The following CACNA1D variants were observed in gnomAD, a reference collection of about 807,000 sequenced individuals.
The protein encoded by CACNA1D is voltage-dependent L-type calcium channel subunit alpha-1D.
CACNA1D carries 55 observed loss-of-function variants against 257.1 expected under a neutral mutation model. The ratio of observed to expected loss-of-function variants is 0.21; its 90% CI spans 0.17 to 0.27. The LOEUF (loss-of-function observed/expected upper bound fraction) is 0.27, where lower values mean the gene tolerates loss of function less well. CACNA1D is among the 10% of genes least tolerant of loss of function. CACNA1D has a pLI of 1.00. For synonymous variants in CACNA1D, 980 were observed against 1,014.9 expected (o/e 0.97, Z 0.65); for missense variants, 1,876 against 2,784.0 (o/e 0.67, Z 7.34).
chr3:53,656,933 TGG>T (rs1388974430), intron 4 of CACNA1D, among the ~76,000 whole-genome samples: 2 of 152,180 alleles, frequency 1.3e-5, no homozygotes, highest in African/African-American at 2.4e-5. Context: ...ATGGAACAAC[TGG>T]AACTCTCATA....
intron 9 of CACNA1D, among the ~76,000 whole-genome samples, chr3:53,713,265 C>T (rs2108651058): frequency 6.6e-6 from 1 of 152,344 alleles, no homozygotes; most frequent in Admixed American, 6.5e-5. Context: ...AGAGATGATA[C>T]TGTCCTACAA....
chr3:53,507,382 G>A (rs952631074), intron 3 of CACNA1D, among the ~76,000 whole-genome samples: 1 of 151,964 alleles, frequency 6.6e-6, no homozygotes, highest in East Asian at 1.9e-4. Flanking sequence ...ACTTAGCAGG[G>A]AGGATTGCTG....
Position 53,539,998 on chromosome 3 carries a change from A to G in CACNA1D, c.483+38278A>G, listed in dbSNP as rs112288495. On this transcript the variant is annotated intron_variant, in intron 3 of 47. Transcript: ENST00000350061. ...TTATATGTATTGGGTACAGGTTTTG[A>G]TTGGTTGGGTGTGTTGCGAATTTCT... is the stretch of plus-strand genomic sequence containing the variant. 2.4e-3 allele frequency among the ~76,000 whole-genome samples: 355 copies of G among 148,390 alleles called. 6 individuals carry two copies. The highest frequency in any genetic ancestry group is 8.4e-3 in the African/African-American group (340 of 40,560).
chr3:53,590,788 G>A (rs1436799826), intron 3 of CACNA1D, among the ~76,000 whole-genome samples: 1 of 152,312 alleles, frequency 6.6e-6, no homozygotes, highest in East Asian at 1.9e-4. Flanking sequence ...TGGCATTGCC[G>A]AGAGGATCGA....
At chr3:53,596,811 G>GT (rs1272559317) in intron 3 of CACNA1D, among the ~76,000 whole-genome samples, 2 of 152,246 alleles carry the variant, frequency 1.3e-5, no homozygotes, top group Non-Finnish European at 2.9e-5. Context: ...AAGATACTAA[G>GT]TTTGTGTTGT....
intron 3 of CACNA1D, among the ~76,000 whole-genome samples, chr3:53,621,128 T>C (rs982897100): frequency 2.0e-5 from 3 of 152,120 alleles, no homozygotes; most frequent in Non-Finnish European, 2.9e-5. Flanking sequence ...ATGACACCTA[T>C]GAATGCAAGT....
intron 3 of CACNA1D, among the ~76,000 whole-genome samples, chr3:53,530,773 T>G (rs578101519): frequency 2.0e-5 from 3 of 152,284 alleles, no homozygotes; most frequent in East Asian, 3.9e-4. Flanking sequence ...CGAAAAGGTC[T>G]TGGGGACCAT....
At chr3:53,804,540 C>T (rs1330980563) in intron 44 of CACNA1D, among the ~76,000 whole-genome samples, 2 of 152,226 alleles carry the variant, frequency 1.3e-5, no homozygotes, top group African/African-American at 4.8e-5. Flanking sequence ...TTCCTCTCTT[C>T]CAGCACTGGC....
intron 9 of CACNA1D, among the ~76,000 whole-genome samples, chr3:53,715,680 G>A (rs1284784023): frequency 2.6e-5 from 4 of 152,152 alleles, no homozygotes; most frequent in African/African-American, 4.8e-5. Flanking sequence ...TCACAAACGC[G>A]GGGTTAAACT....
intron 3 of CACNA1D, among the ~76,000 whole-genome samples, chr3:53,645,968 C>A (rs1057504971): frequency 1.3e-5 from 2 of 152,238 alleles, no homozygotes; most frequent in African/African-American, 4.8e-5. Context: ...TGGCTCCAAG[C>A]CCTGTGTTCC....
chr3:53,728,352 C>A (rs139453087), intron 15 of CACNA1D, among the ~76,000 whole-genome samples: 2 of 152,004 alleles, frequency 1.3e-5, no homozygotes, highest in African/African-American at 4.8e-5. Flanking sequence ...TTAACCAGGC[C>A]GGTCTAAAAC....
At chr3:53,735,352 A>G (rs1263791503) in intron 19 of CACNA1D, 22 bp from the exon 20 acceptor site, 4 of 1,613,260 alleles carry the variant, frequency 2.5e-6, no homozygotes, top group Non-Finnish European at 3.4e-6. Context: ...GACTGTTTCC[A>G]AGCAGCGGCT....
intron 3 of CACNA1D, among the ~76,000 whole-genome samples, chr3:53,576,721 G>T (rs930068552): frequency 6.6e-6 from 1 of 152,206 alleles, no homozygotes; most frequent in Non-Finnish European, 1.5e-5. Context: ...ATTTTGGGCT[G>T]TTACCATCTG....
chr3:53,686,160 G>A lies in CACNA1D; in HGVS notation c.1220+13034G>A, dbSNP rs145556015. ...GCCTACCAAGAAATAAATTGGGAGA[G>A]TCCTATATTTGCCTTTTTAAATGGA... On this transcript the variant is annotated intron_variant, in intron 8 of 47. Coordinates refer to ENST00000350061, the MANE Select transcript of CACNA1D (RefSeq NM_001128840.3). 1.4e-4 allele frequency among the ~76,000 whole-genome samples: 21 copies of A among 152,164 alleles called. No homozygotes were observed. In the East Asian group the frequency reaches 3.9e-3, roughly 28 times the overall value.
In CACNA1D at chr3:53,789,618, G is replaced by A. The variant is rs2095473675; in HGVS notation, c.4923+2666G>A. ...GCGTGGCCTGTTGAGATGGAGGATG[G>A]CTTGCCTCCTCCCACAGCAGGGTGC... On this transcript the variant is annotated intron_variant, in intron 40 of 47. Coordinates refer to ENST00000350061, the MANE Select transcript of CACNA1D (RefSeq NM_001128840.3). The surrounding 1 kb of genome is among the most constrained non-coding windows in gnomAD (Gnocchi z 4.2). 6.6e-6 allele frequency among the ~76,000 whole-genome samples: 1 copy of A among 152,230 alleles called. No individual in the cohort carries two copies. The highest frequency in any genetic ancestry group is 1.5e-5 in the Non-Finnish European group (1 of 68,040).
chr3:53,496,014 G>A (rs745769583), intron 1 of CACNA1D, among the ~76,000 whole-genome samples: 1 of 152,206 alleles, frequency 6.6e-6, no homozygotes, highest in Non-Finnish European at 1.5e-5. Flanking sequence ...CCGGGTGAGC[G>A]CTCCCCTAGG....
intron 3 of CACNA1D, among the ~76,000 whole-genome samples, chr3:53,582,667 A>G (rs2093152281): frequency 6.6e-6 from 1 of 152,092 alleles, no homozygotes; most frequent in African/African-American, 2.4e-5. Context: ...CAGCAAGTTG[A>G]GTTCTGCACC....
intron 38 of CACNA1D, among the ~76,000 whole-genome samples, chr3:53,781,004 C>T (rs2095422753): frequency 6.6e-6 from 1 of 152,254 alleles, no homozygotes; most frequent in Admixed American, 6.5e-5. Flanking sequence ...GCATGCTTGT[C>T]TGTACCTGGC....
intron 3 of CACNA1D, among the ~76,000 whole-genome samples, chr3:53,639,196 T>A (rs1333597477): frequency 1.3e-5 from 2 of 151,884 alleles, no homozygotes; most frequent in African/African-American, 4.8e-5. Context: ...TAGGCCAGAG[T>A]TCAAGACCAG....
Sources: gnomAD v4.1 joint callset for allele counts (sites outside exome capture counted in the v4.1 genomes callset) on GRCh38, gnomAD v4.1.1 for gene constraint, Gnocchi (gnomAD v3.1) non-coding constraint, MANE v1.5 for transcripts, NCBI Gene and HGNC (gene_info 2026-07-23, HGNC 2026-07-21) for gene names.